The following STRBP variants were observed in gnomAD, a reference collection of about 807,000 sequenced individuals.
STRBP encodes spermatid perinuclear RNA-binding protein.
STRBP carries 13 observed loss-of-function variants against 80.1 expected under a neutral mutation model. That is an observed-to-expected ratio of 0.16 (90% CI 0.11 to 0.26). The LOEUF (loss-of-function observed/expected upper bound fraction) is 0.26. Among genes scored for constraint, STRBP ranks in the 10% least tolerant of loss-of-function variants. STRBP has a pLI of 1.00. For missense variants in STRBP, 485 were observed against 815.2 expected (o/e 0.59, Z 4.93); for synonymous variants, 284 against 291.2 (o/e 0.98, Z 0.25).
chr9:123,235,009 T>C (rs1477519204), intron 2 of STRBP, among the ~76,000 whole-genome samples: 2 of 90,064 alleles, frequency 2.2e-5, no homozygotes, highest in African/African-American at 4.1e-5. Context: ...GGGGGGGGGG[T>C]ACTGGGTATT....
intron 2 of STRBP, among the ~76,000 whole-genome samples, chr9:123,206,299 T>C (rs1187968816): frequency 1.3e-5 from 2 of 152,204 alleles, no homozygotes; most frequent in Non-Finnish European, 2.9e-5. Flanking sequence ...TAGATAAAGC[T>C]AAAAAACAGA....
chr9:123,246,620 T>C (rs2040805125), intron 1 of STRBP, among the ~76,000 whole-genome samples: 1 of 152,224 alleles, frequency 6.6e-6, no homozygotes, highest in African/African-American at 2.4e-5. Context: ...TAACAGAATT[T>C]GACAGTTGTG....
At chr9:123,265,345 AAAG>A (rs2041244912) in intron 1 of STRBP, among the ~76,000 whole-genome samples, 1 of 152,244 alleles carries the variant, frequency 6.6e-6, no homozygotes, top group African/African-American at 2.4e-5. Context: ...TAAATCGACA[AAAG>A]AAGAAAACTA....
At chr9:123,176,568 T>C (rs1480323941) in intron 4 of STRBP, among the ~76,000 whole-genome samples, 2 of 152,128 alleles carry the variant, frequency 1.3e-5, no homozygotes, top group South Asian at 4.1e-4. Flanking sequence ...GATAATAATA[T>C]TAGAGACTGG....
At chr9:123,111,332 G>C (rs1011703621) in intron 3 of STRBP, 1 of 257,658 alleles carries the variant, frequency 3.9e-6, no homozygotes, top group Non-Finnish European at 8.1e-6. Flanking sequence ...GACACGACTT[G>C]TAAATTACAG....
chr9:123,175,598 G>A (rs2038187084), intron 4 of STRBP, among the ~76,000 whole-genome samples: 2 of 152,206 alleles, frequency 1.3e-5, no homozygotes, highest in Non-Finnish European at 2.9e-5. Flanking sequence ...GTAGGCAATT[G>A]TCTGATATTA....
At chr9:123,193,645 A>G (rs1347091333) in intron 2 of STRBP, among the ~76,000 whole-genome samples, 1 of 150,560 alleles carries the variant, frequency 6.6e-6, no homozygotes, top group East Asian at 2.0e-4. Flanking sequence ...CTTCTTTCCT[A>G]TTTTAGACAA....
At chr9:123,256,471 G>T (rs1284440196) in intron 1 of STRBP, among the ~76,000 whole-genome samples, 3 of 152,060 alleles carry the variant, frequency 2.0e-5, no homozygotes, top group Non-Finnish European at 2.9e-5. Flanking sequence ...TTTATCAGAG[G>T]CTAATTGATA....
intron 1 of STRBP, among the ~76,000 whole-genome samples, chr9:123,254,456 C>CAAAA (rs1205708821): frequency 1.5e-3 from 93 of 62,724 alleles, no homozygotes; most frequent in Non-Finnish European, 3.0e-3. Context: ...GACTCCGTCT[C>CAAAA]AAAAAAAAAA....
At chr9:123,253,685 A>G (rs1564338087) in intron 1 of STRBP, among the ~76,000 whole-genome samples, 1 of 152,210 alleles carries the variant, frequency 6.6e-6, no homozygotes, top group Non-Finnish European at 1.5e-5. Context: ...TATCAGCATT[A>G]TTATTCATTA....
At chr9:123,203,450 G>C (rs1263218030) in intron 2 of STRBP, among the ~76,000 whole-genome samples, 2 of 151,916 alleles carry the variant, frequency 1.3e-5, no homozygotes, top group Non-Finnish European at 2.9e-5. Context: ...CAATAATTAA[G>C]GCTATAAGGC....
chr9:123,193,047 T>C (rs112502997), intron 2 of STRBP, among the ~76,000 whole-genome samples: 3 of 152,220 alleles, frequency 2.0e-5, no homozygotes, highest in African/African-American at 7.2e-5. Context: ...CACTACGCCA[T>C]CATGATTTGT....
Position 123,146,893 on chromosome 9 carries a change from G to A in STRBP, c.1300C>T (p.Pro434Ser), listed in dbSNP as rs1199964928. The change falls in exon 13 of 19, where the codon CCA becomes TCA. Residue 434 changes from proline (P) to serine (S), a missense_variant. By Grantham distance (74) the Pro-to-Ser change is moderately conservative. Transcript: ENST00000348403. ...TGAAGTTTTGCTGTTTTCTTGGATGGTCCTGAGGCTTCATATGTTGTGCCA... is the reference window on the plus strand; with the variant it reads ...TGAAGTTTTGCTGTTTTCTTGGATGATCCTGAGGCTTCATATGTTGTGCCA... ...VDGTTYEASG[P>S]SKKTAKLHVA... is the part of the protein sequence containing the mutation. The A allele has an allele frequency of 1.9e-6, 3 of 1,613,914 alleles. No individual in the cohort carries two copies. In the Admixed American group the frequency reaches 5.0e-5, roughly 27 times the overall value.
At chr9:123,146,772 AATG>A in intron 13 of STRBP, 80 bp downstream of exon 13, 1 of 1,207,702 alleles carries the variant, frequency 8.3e-7, no homozygotes, top group South Asian at 1.9e-5. Flanking sequence ...TGTTTTTAAA[AATG>A]ATAATTTATT....
intron 6 of STRBP, 29 bp downstream of exon 6, chr9:123,169,871 TAC>T (rs1221425801): frequency 4.1e-6 from 4 of 978,238 alleles, no homozygotes; most frequent in Non-Finnish European, 4.0e-6. Flanking sequence ...AACAAATATA[TAC>T]ATATATATAT....
chr9:123,228,741 T>C (rs2040315656), intron 2 of STRBP, among the ~76,000 whole-genome samples: 1 of 152,332 alleles, frequency 6.6e-6, no homozygotes, highest in Admixed American at 6.5e-5. Flanking sequence ...GGTGGAAATG[T>C]AAAATGGTAC....
intron 2 of STRBP, among the ~76,000 whole-genome samples, chr9:123,203,833 A>G (rs2132515460): frequency 6.6e-6 from 1 of 152,234 alleles, no homozygotes; most frequent in South Asian, 2.1e-4. Flanking sequence ...TTAGCCGGGC[A>G]TGGTGGCAGG....
intron 1 of STRBP, among the ~76,000 whole-genome samples, chr9:123,262,465 CA>C (rs2041178836): frequency 6.6e-6 from 1 of 152,210 alleles, no homozygotes; most frequent in Non-Finnish European, 1.5e-5. Context: ...CAGTAAGAAA[CA>C]TCTTACCCAT....
At chr9:123,138,922 T>C (rs570551876) in intron 14 of STRBP, among the ~76,000 whole-genome samples, 120 of 152,358 alleles carry the variant, frequency 7.9e-4, no homozygotes, top group Middle Eastern at 3.4e-3. Context: ...GTTCTTTACA[T>C]AGAATGCAGT....
Sources: gnomAD v4.1 joint callset for allele counts (sites outside exome capture counted in the v4.1 genomes callset) on GRCh38, gnomAD v4.1.1 for gene constraint, MANE v1.5 for transcripts, NCBI Gene and HGNC (gene_info 2026-07-23, HGNC 2026-07-21) for gene names.